MAPK10: variants seen among roughly 807,000 people sequenced by gnomAD.
MAPK10 encodes mitogen-activated protein kinase 10.
Under a neutral mutation model 59.3 loss-of-function variants are expected in MAPK10, and 25 were observed. The observed-to-expected ratio is 0.42, with a 90% CI of 0.31 to 0.59. The LOEUF is 0.59. MAPK10 is among the 20% of genes least tolerant of loss of function. The pLI, the probability that MAPK10 is intolerant of heterozygous loss-of-function variation, is 0.15. For synonymous variants in MAPK10, 190 were observed against 200.5 expected (o/e 0.95, Z 0.44); for missense variants, 351 against 568.9 (o/e 0.62, Z 3.90).
chr4:86,373,373 C>CA (rs1216615129), intron 1 of MAPK10, among the ~76,000 whole-genome samples: 1 of 151,972 alleles, frequency 6.6e-6, no homozygotes, highest in African/African-American at 2.4e-5. Context: ...ACTAAAACAC[C>CA]AAAAGCAATA....
At chr4:86,363,440 G>T (rs1387126751), upstream of MAPK10, among the ~76,000 whole-genome samples, 1 of 152,074 alleles carries the variant, frequency 6.6e-6, no homozygotes, top group African/African-American at 2.4e-5. Context: ...CCAGAAACAG[G>T]TTAATACCAA....
chr4:86,532,656 T>C (rs1757933956), intron 1 of MAPK10, among the ~76,000 whole-genome samples: 1 of 152,228 alleles, frequency 6.6e-6, no homozygotes, highest in Non-Finnish European at 1.5e-5. Context: ...TTTTCCCTCC[T>C]TGGCACCTGA....
intron 1 of MAPK10, among the ~76,000 whole-genome samples, chr4:86,369,556 A>C (rs1486832900): frequency 6.6e-6 from 1 of 152,186 alleles, no homozygotes; most frequent in East Asian, 1.9e-4. Context: ...GCATAAATTT[A>C]TATGTGTAGC....
rs146190385 is a variant in MAPK10 at position 86,442,518 on chromosome 4, G to C, written c.-122+10512C>G. ...TTAGAAATAAAATATTACTCACATA[G>C]TGGGTGTCTCTGTTTTATTCCTCAC... On this transcript the variant is annotated intron_variant, in intron 1 of 13. Transcript: ENST00000361569. 6.1e-3 allele frequency among the ~76,000 whole-genome samples: 923 copies of C among 152,218 alleles called. 7 individuals are homozygous for C. Among genetic ancestry groups the C allele is most frequent in the African/African-American group, 0.02 (825 of 41,554 alleles).
Position 86,136,290 on chromosome 4 carries a change from G to A in MAPK10, c.236+23008C>T, listed in dbSNP as rs1203926370. 5.9e-5 allele frequency among the ~76,000 whole-genome samples: 9 copies of A among 152,158 alleles called. No homozygotes were observed. The East Asian group carries it at 9.7e-4, about 16-fold the overall frequency. ...ATGTTAAGGGCAGCCAGAGAGAAAG[G>A]TCGGGTTACCCACAAAGGGAAGCCC... On this transcript the variant is annotated intron_variant, in intron 4 of 13. Transcript: ENST00000641462.
intron 1 of MAPK10, among the ~76,000 whole-genome samples, chr4:86,487,621 C>A (rs1175352916): frequency 6.6e-6 from 1 of 151,200 alleles, no homozygotes; most frequent in Non-Finnish European, 1.5e-5. Flanking sequence ...GTCCCAGCTA[C>A]TTGGGAGGCT....
intron 1 of MAPK10, among the ~76,000 whole-genome samples, chr4:86,468,177 T>C (rs1446398690): frequency 6.6e-6 from 1 of 152,206 alleles, no homozygotes; most frequent in Non-Finnish European, 1.5e-5. Flanking sequence ...CTATCTGATA[T>C]TGCTACGCTT....
chr4:86,560,786 TAA>T (rs1249657241), intron 1 of MAPK10, among the ~76,000 whole-genome samples: 2 of 152,238 alleles, frequency 1.3e-5, no homozygotes, highest in Non-Finnish European at 2.9e-5. Flanking sequence ...CAGTTCAAAA[TAA>T]AGAGACTTAA....
chr4:86,164,915 A>T (rs538891502), intron 3 of MAPK10, among the ~76,000 whole-genome samples: 1 of 152,298 alleles, frequency 6.6e-6, no homozygotes, highest in African/African-American at 2.4e-5. Context: ...TACCTAGACA[A>T]TCTTGTGTGG....
intron 1 of MAPK10, among the ~76,000 whole-genome samples, chr4:86,374,845 A>G (rs900405245): frequency 6.6e-6 from 1 of 152,224 alleles, no homozygotes; most frequent in Admixed American, 6.5e-5. Flanking sequence ...AGTCTTTTCA[A>G]ACACTGATGT....
intron 4 of MAPK10, among the ~76,000 whole-genome samples, chr4:86,133,876 A>C (rs552422930): frequency 6.6e-4 from 101 of 152,340 alleles, no homozygotes; most frequent in South Asian, 1.7e-3. Context: ...GTCCATAAAT[A>C]ATGATTCTCG....
chr4:86,180,134 TAAC>T (rs1297927627), intron 3 of MAPK10, among the ~76,000 whole-genome samples: 1 of 151,630 alleles, frequency 6.6e-6, no homozygotes, highest in Non-Finnish European at 1.5e-5. Context: ...AATATCTCAA[TAAC>T]AACAACAAAA....
At chr4:86,038,446 A>G (rs1384520567) in intron 11 of MAPK10, among the ~76,000 whole-genome samples, 1 of 152,234 alleles carries the variant, frequency 6.6e-6, no homozygotes, top group Non-Finnish European at 1.5e-5. Flanking sequence ...GCTTTAAGCA[A>G]GAAGGGTATA....
chr4:86,413,090 G>A (rs1564824617), intron 1 of MAPK10, among the ~76,000 whole-genome samples: 2 of 152,168 alleles, frequency 1.3e-5, no homozygotes, highest in South Asian at 4.1e-4. Context: ...GGGTTTTGGT[G>A]TAGATGTCCT....
At chr4:86,136,831 T>C (rs2062265881) in intron 4 of MAPK10, among the ~76,000 whole-genome samples, 1 of 151,614 alleles carries the variant, frequency 6.6e-6, no homozygotes, top group South Asian at 2.1e-4. Flanking sequence ...AATAAAAGGA[T>C]GGAGGAAGAT....
chr4:86,529,421 AC>A (rs1757704878), intron 1 of MAPK10, among the ~76,000 whole-genome samples: 1 of 152,150 alleles, frequency 6.6e-6, no homozygotes, highest in African/African-American at 2.4e-5. Flanking sequence ...CCCCACCTCC[AC>A]CTAGAAAGGC....
chr4:86,385,756 C>G (rs1431714003), intron 1 of MAPK10, among the ~76,000 whole-genome samples: 1 of 152,080 alleles, frequency 6.6e-6, no homozygotes, highest in Non-Finnish European at 1.5e-5. Context: ...TTTGGAACAC[C>G]CAACACTCCA....
In MAPK10 at chr4:86,545,046, TTCC is replaced by T. The variant is rs1759038431; in HGVS notation, c.-263+48861_-263+48863del. Among the ~76,000 whole-genome samples, 3 of 152,162 alleles carry T rather than the reference TTCC, an allele frequency of 2.0e-5. No homozygotes were observed. The South Asian group carries it at 6.2e-4, about 32-fold the overall frequency. ...CATGGCCATGTTTCTGTGTTGTTTT[TTCC>T]TACTACAAAATATTAAGATATTGGA... On this transcript the variant is annotated intron_variant, in intron 1 of 4. Coordinates refer to the MAPK10 transcript ENST00000502302.
intron 1 of MAPK10, among the ~76,000 whole-genome samples, chr4:86,416,225 C>T (rs900392574): frequency 7.2e-5 from 11 of 152,196 alleles, no homozygotes; most frequent in African/African-American, 2.7e-4. Flanking sequence ...CATGTGAGGA[C>T]ACAGCAAGAA....
Sources: allele counts gnomAD v4.1 joint callset (sites outside exome capture counted in the v4.1 genomes callset), GRCh38; gene constraint gnomAD v4.1.1; transcripts MANE v1.5; gene names NCBI Gene and HGNC (gene_info 2026-07-23, HGNC 2026-07-21).